The following CADM2 variants were observed in gnomAD, a reference collection of about 807,000 sequenced individuals.
The protein encoded by CADM2 is cell adhesion molecule 2, also known as immunoglobulin superfamily member 4D.
CADM2 carries 12 observed loss-of-function variants against 49.8 expected under a neutral mutation model. The ratio of observed to expected loss-of-function variants is 0.24; its 90% confidence interval spans 0.15 to 0.39. CADM2 has a LOEUF of 0.39. CADM2 is among the 10% of genes least tolerant of loss of function. CADM2 has a pLI of 1.00. For missense variants in CADM2, 378 were observed against 492.3 expected (o/e 0.77, Z 2.20); for synonymous variants, 214 against 175.4 (o/e 1.22, Z -1.74).
At chr3:85,893,648 A>C (rs1286097409) in intron 5 of CADM2, among the ~76,000 whole-genome samples, 4 of 152,216 alleles carry the variant, frequency 2.6e-5, no homozygotes, top group Non-Finnish European at 1.5e-5. Context: ...ACAAATTTAC[A>C]AGAAAAAAAC....
chr3:85,627,958 A>C (rs867886336), intron 1 of CADM2, among the ~76,000 whole-genome samples: 29 of 152,164 alleles, frequency 1.9e-4, no homozygotes, highest in African/African-American at 7.0e-4. Context: ...CATCCTGATG[A>C]GGTTCTTTGC....
At chr3:85,933,220 A>C in intron 6 of CADM2, among the ~76,000 whole-genome samples, 1 of 150,788 alleles carries the variant, frequency 6.6e-6, no homozygotes, top group African/African-American at 2.4e-5. Flanking sequence ...AACCTCCTCC[A>C]CCCCCACCCT....
At chr3:85,524,575 A>C (rs1246921031) in intron 1 of CADM2, among the ~76,000 whole-genome samples, 1 of 152,152 alleles carries the variant, frequency 6.6e-6, no homozygotes, top group African/African-American at 2.4e-5. Context: ...TAAATGTTTT[A>C]CAGGTACTTG....
chr3:85,449,913 G>C (rs1000039349), intron 1 of CADM2, among the ~76,000 whole-genome samples: 3 of 152,084 alleles, frequency 2.0e-5, no homozygotes, highest in African/African-American at 7.2e-5. Flanking sequence ...TAGTACATCA[G>C]TCTGCCTCAC....
intron 1 of CADM2, among the ~76,000 whole-genome samples, chr3:85,260,077 A>G (rs1291365675): frequency 1.3e-5 from 2 of 152,266 alleles, no homozygotes; most frequent in South Asian, 2.1e-4. Flanking sequence ...TTTTTCTGAA[A>G]TAAATAATGT....
At chr3:85,185,111 C>G (rs1412671308) in intron 1 of CADM2, among the ~76,000 whole-genome samples, 2 of 152,042 alleles carry the variant, frequency 1.3e-5, no homozygotes, top group African/African-American at 4.8e-5. Context: ...TATATTGCAG[C>G]ACTCTTCTGA....
At chr3:85,056,429 C>A (rs1224955583) in intron 1 of CADM2, among the ~76,000 whole-genome samples, 1 of 152,006 alleles carries the variant, frequency 6.6e-6, no homozygotes, top group Non-Finnish European at 1.5e-5. Flanking sequence ...TCAATTATAA[C>A]ATTTTAAGGG....
chr3:85,461,164 C>T (rs904295204), intron 1 of CADM2, among the ~76,000 whole-genome samples: 2 of 151,976 alleles, frequency 1.3e-5, no homozygotes, highest in African/African-American at 4.8e-5. Context: ...CTCATGTTTT[C>T]GCATGAGATG....
chr3:85,911,447 C>T (rs1315593571), intron 5 of CADM2, among the ~76,000 whole-genome samples: 1 of 152,180 alleles, frequency 6.6e-6, no homozygotes, highest in Non-Finnish European at 1.5e-5. Flanking sequence ...TACTCTTGTT[C>T]ATGCTGAAAT....
intron 2 of CADM2, among the ~76,000 whole-genome samples, chr3:85,779,400 G>A (rs185021171): frequency 2.5e-3 from 378 of 152,184 alleles, no homozygotes; most frequent in Non-Finnish European, 4.3e-3. Flanking sequence ...ACATGCATGA[G>A]ACTATGTCAT....
chr3:85,797,164 A>C (rs2108053759), intron 2 of CADM2, among the ~76,000 whole-genome samples: 1 of 152,210 alleles, frequency 6.6e-6, no homozygotes, highest in Non-Finnish European at 1.5e-5. Flanking sequence ...GTTTTAGGAA[A>C]ATCTTTTTGT....
At chr3:85,987,819 C>T (rs1728303770) in intron 8 of CADM2, among the ~76,000 whole-genome samples, 1 of 151,146 alleles carries the variant, frequency 6.6e-6, no homozygotes, top group Non-Finnish European at 1.5e-5. Flanking sequence ...GCATATTCTA[C>T]ATATATAAGT....
chr3:84,985,044 G>T (rs1318782953), intron 1 of CADM2, among the ~76,000 whole-genome samples: 1 of 152,130 alleles, frequency 6.6e-6, no homozygotes, highest in Non-Finnish European at 1.5e-5. Flanking sequence ...AAAGGAAAGA[G>T]ATTCAAATTA....
chr3:85,064,050 C>G (rs73843274), intron 1 of CADM2, among the ~76,000 whole-genome samples: 1 of 152,046 alleles, frequency 6.6e-6, no homozygotes, highest in Non-Finnish European at 1.5e-5. Flanking sequence ...AAACCGATTC[C>G]TTTGGATAGT....
intron 1 of CADM2, among the ~76,000 whole-genome samples, chr3:84,990,435 T>C (rs544524106): frequency 2.0e-4 from 31 of 151,958 alleles, no homozygotes; most frequent in Non-Finnish European, 4.0e-4. Context: ...TATAGTTGTA[T>C]AAAATATTAA....
chr3:85,606,417 G>T (rs994289235), intron 1 of CADM2, among the ~76,000 whole-genome samples: 1 of 152,014 alleles, frequency 6.6e-6, no homozygotes, highest in South Asian at 2.1e-4. Context: ...CCGCAGCTTA[G>T]TTTCTATAGA....
At chr3:85,642,038 A>C (rs543059337) in intron 1 of CADM2, among the ~76,000 whole-genome samples, 1 of 152,300 alleles carries the variant, frequency 6.6e-6, no homozygotes, top group Admixed American at 6.5e-5. Context: ...ACGACCTCAC[A>C]GGCCTCAGAT....
chr3:85,904,882 T>G (rs1716581665), intron 5 of CADM2, among the ~76,000 whole-genome samples: 1 of 152,206 alleles, frequency 6.6e-6, no homozygotes, highest in Non-Finnish European at 1.5e-5. Context: ...TTTTCTATTT[T>G]ATATTCAAAA....
intron 8 of CADM2, among the ~76,000 whole-genome samples, chr3:86,044,791 A>G (rs1736436979): frequency 6.6e-6 from 1 of 152,200 alleles, no homozygotes; most frequent in East Asian, 1.9e-4. Flanking sequence ...TCACAATAGC[A>G]AAGACTTGGA....
Sources: allele counts gnomAD v4.1 joint callset (sites outside exome capture counted in the v4.1 genomes callset), GRCh38; gene constraint gnomAD v4.1.1; transcripts MANE v1.5; gene names NCBI Gene and HGNC (gene_info 2026-07-23, HGNC 2026-07-21).